The following HEATR5A variants were observed in gnomAD, a reference collection of about 807,000 sequenced individuals.
The protein encoded by HEATR5A is HEAT repeat-containing protein 5A.
A neutral mutation model predicts 218.8 loss-of-function variants in HEATR5A; 178 were observed. The observed-to-expected ratio is 0.81, with a 90% CI of 0.72 to 0.92. The LOEUF is 0.92. HEATR5A is among the 40% of genes least tolerant of loss of function. The pLI, the probability that HEATR5A is intolerant of heterozygous loss-of-function variation, is 0.00. For missense variants in HEATR5A, 2,420 were observed against 2,418.9 expected (o/e 1.00, Z -0.01); for synonymous variants, 864 against 871.6 (o/e 0.99, Z 0.15).
intron 21 of HEATR5A, 133 bp from the exon 22 acceptor site, chr14:31,337,747 T>C (rs374643882): frequency 8.0e-6 from 5 of 623,354 alleles, no homozygotes; most frequent in South Asian, 5.6e-5. Flanking sequence ...TATAAATACA[T>C]AGGAACTTCT....
intron 16 of HEATR5A, among the ~76,000 whole-genome samples, chr14:31,355,775 A>T (rs866000209): frequency 6.6e-6 from 1 of 152,234 alleles, no homozygotes; most frequent in Non-Finnish European, 1.5e-5. Context: ...TCTGTATAAA[A>T]TATCTTGACT....
chr14:31,330,584 C>T (rs139486589), intron 22 of HEATR5A, among the ~76,000 whole-genome samples: 8 of 151,992 alleles, frequency 5.3e-5, no homozygotes, highest in East Asian at 3.9e-4. Context: ...GTCAAAAGAT[C>T]GAGACCATCC....
chr14:31,382,940 T>C (rs1457265363), intron 10 of HEATR5A, among the ~76,000 whole-genome samples: 1 of 151,778 alleles, frequency 6.6e-6, no homozygotes, highest in East Asian at 1.9e-4. Context: ...CAAGTTTATG[T>C]TGTGCATTTC....
At chr14:31,324,156 T>C (rs1407352046) in intron 23 of HEATR5A, among the ~76,000 whole-genome samples, 1 of 151,838 alleles carries the variant, frequency 6.6e-6, no homozygotes, top group Non-Finnish European at 1.5e-5. Context: ...TGGATGTACT[T>C]AAGGAGACTC....
At chr14:31,410,231 G>A (rs1379660178) in intron 1 of HEATR5A, among the ~76,000 whole-genome samples, 1 of 152,030 alleles carries the variant, frequency 6.6e-6, no homozygotes, top group Non-Finnish European at 1.5e-5. Context: ...AAAAGACACC[G>A]TAACAGCTTC....
At chr14:31,314,952 C>A (rs1899868828) in intron 27 of HEATR5A, among the ~76,000 whole-genome samples, 1 of 152,048 alleles carries the variant, frequency 6.6e-6, no homozygotes, top group African/African-American at 2.4e-5. Context: ...GAGAGTGGAT[C>A]ACTTGAGGTC....
chr14:31,315,146 C>T (rs1899874776), intron 27 of HEATR5A, among the ~76,000 whole-genome samples: 1 of 152,054 alleles, frequency 6.6e-6, no homozygotes, highest in African/African-American at 2.4e-5. Context: ...TGTACCCCAG[C>T]CTCGTCAACA....
intron 1 of HEATR5A, among the ~76,000 whole-genome samples, chr14:31,407,624 A>ATATATATT (rs2031127751): frequency 1.1e-4 from 2 of 18,120 alleles, no homozygotes; most frequent in African/African-American, 3.3e-4. Context: ...ATATATATAT[A>ATATATATT]TATATATATA....
At chr14:31,305,435 G>A (rs1028038257) in intron 31 of HEATR5A, among the ~76,000 whole-genome samples, 1 of 151,982 alleles carries the variant, frequency 6.6e-6, no homozygotes, top group African/African-American at 2.4e-5. Context: ...GCTAATTTTT[G>A]TATTTTTAGT....
chr14:31,362,877 G>A (rs1158195562), intron 14 of HEATR5A, among the ~76,000 whole-genome samples: 1 of 151,956 alleles, frequency 6.6e-6, no homozygotes, highest in Non-Finnish European at 1.5e-5. Flanking sequence ...TTGAAGAGTT[G>A]AGCAGCAGTC....
chr14:31,385,491 AATG>A (rs1363518912), intron 9 of HEATR5A, among the ~76,000 whole-genome samples: 2 of 152,084 alleles, frequency 1.3e-5, no homozygotes, highest in African/African-American at 4.8e-5. Flanking sequence ...CCATATATTG[AATG>A]ATTTTTTTTT....
At chr14:31,295,452 G>T (rs1899153326) in intron 34 of HEATR5A, 1 of 153,018 alleles carries the variant, frequency 6.5e-6, no homozygotes, top group African/African-American at 2.4e-5. Context: ...TCACCATGCT[G>T]CAAGGCTGCT....
rs113200716 is a variant in HEATR5A, at chr14:31,336,183, T to C, written c.3367+1293A>G. Among the ~76,000 whole-genome samples the C allele has an allele frequency of 9.2e-3, 1,294 of 140,080 alleles. 23 individuals carry two copies. The highest frequency in any genetic ancestry group is 0.032 in the African/African-American group (1,227 of 38,084). The allele number at this position is 140,080 out of a possible 152,430, so 91.9% of individuals were successfully genotyped here. A position where few individuals can be genotyped will look rare whatever the true frequency, so the allele number is the denominator to read the frequency against. On this transcript the variant is annotated intron_variant, in intron 22 of 35. Transcript: ENST00000543095. The stretch of plus-strand genomic sequence containing the variant: ...TTGTAGAGATGGGGTCATGCCATAT[T>C]GCGCAGGGGGTTATTTTTATATATA...
chr14:31,341,437 A>C lies in HEATR5A; in HGVS notation c.3228+2459T>G, dbSNP rs937403119. Among the ~76,000 whole-genome samples the C allele has an allele frequency of 2.0e-5, 3 of 152,070 alleles. No homozygotes were observed. In the South Asian group the frequency reaches 6.2e-4, roughly 31 times the overall value. ...GAGACAGTGTCTTGCTCCATTGCCCAGGGTGGAGTGCAGTGGCGCAATCAT... is the reference window on the plus strand; with the variant it reads ...GAGACAGTGTCTTGCTCCATTGCCCCGGGTGGAGTGCAGTGGCGCAATCAT... On this transcript the variant is annotated intron_variant, in intron 21 of 35. Transcript: ENST00000543095.
In HEATR5A at chr14:31,315,853, C is replaced by G. The variant is rs147839466; in HGVS notation, c.4135G>C (p.Ala1379Pro). The change falls in exon 27 of 36, where the codon GCT (alanine) becomes CCT (proline). Residue 1379 changes from alanine (A) to proline (P), a missense_variant. Coordinates refer to ENST00000543095, the MANE Select transcript of HEATR5A (RefSeq NM_015473.4). Reference protein sequence around the residue: ...LLVSSLTKIQAGKEALSHLYN... With the variant: ...LLVSSLTKIQPGKEALSHLYN... The stretch of plus-strand genomic sequence containing the variant: ...AAGTGACTTAGAGCTTCTTTTCCAG[C>G]CTGTATTTTAGTTAACGATGAAACA... 4 of 1,611,448 alleles carry G rather than the reference C, an allele frequency of 2.5e-6. No homozygotes were observed. In the South Asian group the frequency reaches 3.3e-5, roughly 13 times the overall value.
At chr14:31,404,483 A>G (rs1389427540) in intron 1 of HEATR5A, among the ~76,000 whole-genome samples, 1 of 152,072 alleles carries the variant, frequency 6.6e-6, no homozygotes, top group Non-Finnish European at 1.5e-5. Context: ...TCAGCTCATC[A>G]TAATTATAAT....
chr14:31,366,057 G>A (rs1160883227), intron 13 of HEATR5A, among the ~76,000 whole-genome samples: 1 of 152,180 alleles, frequency 6.6e-6, no homozygotes, highest in African/African-American at 2.4e-5. Flanking sequence ...ATTTTAAAAT[G>A]TTGTTTCCAT....
At chr14:31,375,055 A>C in intron 11 of HEATR5A, 87 bp from the exon 12 acceptor site, 1 of 1,080,152 alleles carries the variant, frequency 9.3e-7, no homozygotes, top group East Asian at 2.6e-5. Flanking sequence ...CTTCTCTCCT[A>C]AACATTTTAA....
intron 1 of HEATR5A, among the ~76,000 whole-genome samples, chr14:31,409,989 G>A (rs915366364): frequency 4.9e-4 from 74 of 152,072 alleles, no homozygotes; most frequent in African/African-American, 1.7e-3. Context: ...CATTTCAAGG[G>A]CGGAAAAGGG....
Sources: allele counts gnomAD v4.1 joint callset (sites outside exome capture counted in the v4.1 genomes callset), GRCh38; gene constraint gnomAD v4.1.1; transcripts MANE v1.5; gene names NCBI Gene and HGNC (gene_info 2026-07-23, HGNC 2026-07-21).